The following RGL3 variants were observed in gnomAD, a reference collection of about 807,000 sequenced individuals.
The protein encoded by RGL3 is ral guanine nucleotide dissociation stimulator-like 3.
RGL3 carries 85 observed loss-of-function variants against 90.6 expected under a neutral mutation model. That is an observed-to-expected ratio of 0.94 (90% confidence interval 0.79 to 1.12). RGL3 has a LOEUF of 1.12. Ranked by LOEUF, RGL3 falls within the 50% of genes most tolerant of loss-of-function variation. The probability of loss-of-function intolerance (pLI) is 0.00; values close to 1 mark genes in which losing one functional copy is unlikely to be tolerated. For synonymous variants in RGL3, 408 were observed against 385.5 expected (o/e 1.06, Z -0.68); for missense variants, 1,034 against 939.2 (o/e 1.10, Z -1.32).
chr19:11,395,973 G>A lies in RGL3; in HGVS notation c.2014+1271C>T, dbSNP rs1255574326. Among the ~76,000 whole-genome samples the A allele has an allele frequency of 2.7e-5, 4 of 146,718 alleles. No homozygotes were observed. In the East Asian group the frequency reaches 8.1e-4, roughly 30 times the overall value. On this transcript the variant is annotated intron_variant, in intron 18 of 18. Transcript: ENST00000380456. ...GACAGGGTCTTGCTCTGTCACCCAG[G>A]CTGGAGTGCAGTGGCGTGATCTCAG...
intron 2 of RGL3, 115 bp downstream of exon 2, chr19:11,418,556 C>T (rs1258991632): frequency 1.2e-6 from 1 of 816,382 alleles, no homozygotes; most frequent in Non-Finnish European, 1.9e-6. Flanking sequence ...CTGGTCGCCT[C>T]CGAGCCCCTC....
At chr19:11,395,322 C>T (rs1968546263) in intron 18 of RGL3, among the ~76,000 whole-genome samples, 1 of 152,162 alleles carries the variant, frequency 6.6e-6, no homozygotes. Context: ...CAACCACAAG[C>T]ATCCTTTCCT....
chr19:11,416,463 T>C (rs539396236), intron 4 of RGL3, 151 bp downstream of exon 4: 4 of 800,496 alleles, frequency 5.0e-6, no homozygotes, highest in East Asian at 2.4e-5. Flanking sequence ...CCTCCCAAAG[T>C]GTTGGGATTA....
rs373038646 is a variant in RGL3, at chr19:11,400,324, G to C, written c.1485-27C>G. The C allele has an allele frequency of 2.1e-5, 32 of 1,536,060 alleles. 1 individual carries two copies. Among genetic ancestry groups the C allele is most frequent in the South Asian group, 2.0e-4 (16 of 80,654 alleles). On this transcript the variant is annotated intron_variant, in intron 13 of 18. Transcript: ENST00000380456. The stretch of plus-strand genomic sequence containing the variant: ...TGAGGGGTCAATATGTGGATGAGGT[G>C]GTGGGGGCAGGAAATACAGGGGATG...
chr19:11,411,859 C>A (rs1052857149), intron 5 of RGL3, among the ~76,000 whole-genome samples: 1 of 152,222 alleles, frequency 6.6e-6, no homozygotes, highest in African/African-American at 2.4e-5. Flanking sequence ...AAGCCATCCA[C>A]CTGCCTTGGC....
chr19:11,403,404 C>T (rs1156419277), intron 9 of RGL3, among the ~76,000 whole-genome samples: 1 of 148,894 alleles, frequency 6.7e-6, no homozygotes, highest in East Asian at 2.0e-4. Flanking sequence ...TTTGGGAGGC[C>T]GAGGCTGGTG....
chr19:11,396,118 C>T (rs1282489392), intron 18 of RGL3, among the ~76,000 whole-genome samples: 2 of 54,392 alleles, frequency 3.7e-5, no homozygotes, highest in African/African-American at 8.5e-5. Flanking sequence ...CTCTCTCTCT[C>T]TCTCTCTCTC....
intron 13 of RGL3, 103 bp downstream of exon 13, chr19:11,401,908 G>A: frequency 7.1e-7 from 1 of 1,408,104 alleles, no homozygotes; most frequent in African/African-American, 1.4e-5. Context: ...GGGCTCAAGA[G>A]GGGGTCTTGG....
intron 13 of RGL3, among the ~76,000 whole-genome samples, chr19:11,401,488 C>T (rs1423416943): frequency 2.6e-5 from 4 of 151,616 alleles, no homozygotes; most frequent in South Asian, 2.1e-4. Flanking sequence ...CTCTGCCTCC[C>T]GGGTTCACGC....
At chr19:11,411,085 T>C (rs1208663225) in intron 5 of RGL3, among the ~76,000 whole-genome samples, 1 of 151,566 alleles carries the variant, frequency 6.6e-6, no homozygotes, top group Non-Finnish European at 1.5e-5. Flanking sequence ...GGTGGGCACC[T>C]GTAAACTCAG....
intron 7 of RGL3, 142 bp from the exon 8 acceptor site, chr19:11,405,568 A>G (rs1968764215): frequency 1.5e-6 from 1 of 657,278 alleles, no homozygotes; most frequent in Middle Eastern, 4.6e-4. Flanking sequence ...CCCAGGCTGG[A>G]GTGCAGTGGC....
At position 11,402,494 on chromosome 19, in the gene RGL3, G is replaced by T; in HGVS notation, c.1290C>A (p.Asp430Glu). The T allele has an allele frequency of 6.2e-7, 1 of 1,605,418 alleles. No individual in the cohort carries two copies. Among genetic ancestry groups the T allele is most frequent in the South Asian group, 1.1e-5 (1 of 90,386 alleles). Residue 430 changes from aspartate to glutamate, a missense_variant, in exon 11 of 19, where the codon GAC becomes GAA. Asp to Glu is a conservative substitution (Grantham distance 45). Transcript: ENST00000380456. ...PVPYLGTFLT[D>E]LVMLDTALPD... ...GCAGGGCTGTGTCCAGCATAACCAG[G>T]TCCGTAAGGAAGGTGCCAAGGTAGG...
chr19:11,399,793 G>A lies in RGL3; in HGVS notation c.1746+62C>T, dbSNP rs555616320. ...TGTACACATGTGCATGCACACACAC[G>A]TGCACACACACAGAGCCTGGGTGCC... On this transcript the variant is annotated intron_variant, in intron 16 of 18. Transcript: ENST00000380456. 1.9e-5 allele frequency: 18 copies of A among 937,836 alleles called. No individual in the cohort carries two copies. The Middle Eastern group carries it at 1.0e-3, about 54-fold the overall frequency. 58.1% of individuals were successfully genotyped at this position (937,836 alleles called of 1,614,324 possible).
At chr19:11,406,188 C>T (rs1482893826) in intron 7 of RGL3, among the ~76,000 whole-genome samples, 2 of 152,096 alleles carry the variant, frequency 1.3e-5, no homozygotes, top group Admixed American at 6.5e-5. Context: ...ACCTTGACTT[C>T]TCCGGTCCGG....
At chr19:11,407,894 C>T (rs1968809946) in intron 5 of RGL3, among the ~76,000 whole-genome samples, 1 of 151,962 alleles carries the variant, frequency 6.6e-6, no homozygotes, top group Non-Finnish European at 1.5e-5. Context: ...CCATGTTGGC[C>T]AGGCTGGTCT....
At chr19:11,404,233 C>T (rs2144724978) in intron 9 of RGL3, among the ~76,000 whole-genome samples, 1 of 152,230 alleles carries the variant, frequency 6.6e-6, no homozygotes, top group South Asian at 2.1e-4. Context: ...ACTCTGTTAG[C>T]CAGGTGAAAT....
chr19:11,399,760 A>G (rs971330499), intron 16 of RGL3, 95 bp downstream of exon 16: 1 of 696,674 alleles, frequency 1.4e-6, no homozygotes, highest in Non-Finnish European at 2.3e-6. Context: ...TGGCCCCACA[A>G]TCCTGTGTGT....
Position 11,416,640 on chromosome 19 carries a change from TTGTACCGC to T in RGL3, c.391_398del (p.Ala131ArgfsTer51), listed in dbSNP as rs770485685. 6.2e-7 allele frequency: 1 copy of T among 1,614,130 alleles called. No homozygotes were observed. The highest frequency in any genetic ancestry group is 8.5e-7 in the Non-Finnish European group (1 of 1,180,028). ...TCAGGTTCTTGTTGAAGCTCAGATCTTGTACCGCTGTCTTCTTGATCTCTACCCTGGGA... is the reference window on the plus strand; with the variant it reads ...TCAGGTTCTTGTTGAAGCTCAGATCTTGTCTTCTTGATCTCTACCCTGGGA... On this transcript the variant is annotated frameshift_variant, in exon 4 of 19. Coordinates refer to ENST00000380456, the MANE Select transcript of RGL3 (RefSeq NM_001035223.4). LOFTEE classifies it high-confidence loss of function.
At chr19:11,409,412 C>A (rs1427550898) in intron 5 of RGL3, among the ~76,000 whole-genome samples, 1 of 151,772 alleles carries the variant, frequency 6.6e-6, no homozygotes, top group Admixed American at 6.6e-5. Flanking sequence ...ACCGGCGAGG[C>A]GGAGCTTGCA....
Sources: gnomAD v4.1 joint callset for allele counts (sites outside exome capture counted in the v4.1 genomes callset) on GRCh38, gnomAD v4.1.1 for gene constraint, MANE v1.5 for transcripts, NCBI Gene and HGNC (gene_info 2026-07-23, HGNC 2026-07-21) for gene names.